The following ZNF469 variants were observed in gnomAD, a reference collection of about 807,000 sequenced individuals.
ZNF469 encodes the protein zinc finger protein 469.
In ZNF469, 1 loss-of-function variant was observed where a neutral mutation model predicts 1.0. The observed-to-expected ratio is 1.00, with a 90% confidence interval of 0.35 to 4.73. The LOEUF is 4.73. Among genes scored for constraint, ZNF469 ranks in the 30% most tolerant of loss-of-function variants. The probability of loss-of-function intolerance (pLI) is 0.16; values close to 1 mark genes in which losing one functional copy is unlikely to be tolerated. For synonymous variants in ZNF469, 2,703 were observed against 2,363.4 expected (o/e 1.14, Z -4.17); for missense variants, 6,100 against 5,356.3 (o/e 1.14, Z -4.33).
the ZNF469 span, among the ~76,000 whole-genome samples, chr16:88,347,406 C>T: frequency 6.6e-6 from 1 of 152,132 alleles, no homozygotes; most frequent in East Asian, 1.9e-4. Context: ...TTCCACTGAG[C>T]CGCGGGCACA....
chr16:88,260,449 C>G, the ZNF469 span, among the ~76,000 whole-genome samples: 8 of 152,228 alleles, frequency 5.3e-5, no homozygotes, highest in Non-Finnish European at 1.2e-4. This position sits in a 1 kb window ranked among gnomAD's most constrained non-coding sequence, Gnocchi z 4.1. Context: ...CTAAGCCTCG[C>G]TCTGGGGACT....
At chr16:88,279,926 G>A in the ZNF469 span, among the ~76,000 whole-genome samples, 2 of 150,604 alleles carry the variant, frequency 1.3e-5, no homozygotes, top group Non-Finnish European at 1.5e-5. Context: ...TCAGTACCGT[G>A]TAGATATCAG....
the ZNF469 span, among the ~76,000 whole-genome samples, chr16:88,351,823 T>C: frequency 1.3e-5 from 2 of 152,154 alleles, no homozygotes; most frequent in African/African-American, 4.8e-5. Flanking sequence ...TCCCCACCCT[T>C]GCTTGTCTCC....
chr16:88,341,768 T>G, the ZNF469 span, among the ~76,000 whole-genome samples: 26,458 of 151,844 alleles, frequency 0.17, 2,738 homozygotes, highest in Non-Finnish European at 0.24. Context: ...AGGAAGGGTG[T>G]GCAGGGGAGG....
the ZNF469 span, among the ~76,000 whole-genome samples, chr16:88,103,904 G>A: frequency 6.2e-5 from 9 of 145,680 alleles, no homozygotes; most frequent in East Asian, 2.2e-4. Context: ...ATAATCCTCC[G>A]TGGCACGAGG....
At chr16:88,334,182 G>A in the ZNF469 span, among the ~76,000 whole-genome samples, 1 of 152,242 alleles carries the variant, frequency 6.6e-6, no homozygotes, top group South Asian at 2.1e-4. Context: ...TGTTACAAAT[G>A]TCACTCCCTT....
At chr16:88,208,322 G>A in the ZNF469 span, among the ~76,000 whole-genome samples, 18 of 151,062 alleles carry the variant, frequency 1.2e-4, no homozygotes, top group East Asian at 1.6e-3. Context: ...GTCACGTGCC[G>A]CAATCTGGAA....
At chr16:88,385,058 C>T (rs1261978047) in intron 1 of ZNF469, among the ~76,000 whole-genome samples, 1 of 152,180 alleles carries the variant, frequency 6.6e-6, no homozygotes, top group Non-Finnish European at 1.5e-5. Context: ...CCCTGTATGC[C>T]TAATCTCTTC....
At chr16:88,398,643 T>G (rs1904766660) in intron 1 of ZNF469, among the ~76,000 whole-genome samples, 8 of 101,870 alleles carry the variant, frequency 7.9e-5, no homozygotes, top group South Asian at 2.9e-4. Context: ...GAGCCACAGA[T>G]GAAGGGGGGG....
Position 88,405,882 on chromosome 16 carries a change from A to G in ZNF469, c.-191-18925A>G, listed in dbSNP as rs527513349. Among the ~76,000 whole-genome samples, 4 of 152,360 alleles carry G rather than the reference A, an allele frequency of 2.6e-5. No homozygotes were observed. In the South Asian group the frequency reaches 8.3e-4, roughly 32 times the overall value. ...CGGAAAAGCCTCTGCAGTTAGCAAC[A>G]CAAGACGGTTCCTGCGTCCTCCCGA... is the stretch of plus-strand genomic sequence containing the variant. On this transcript the variant is annotated intron_variant, in intron 1 of 2. Coordinates refer to ENST00000565624, the MANE Select transcript of ZNF469 (RefSeq NM_001367624.2).
chr16:88,306,709 C>G, the ZNF469 span, among the ~76,000 whole-genome samples: 2 of 152,192 alleles, frequency 1.3e-5, no homozygotes, highest in Admixed American at 1.3e-4. Context: ...AGGACCCTGA[C>G]CAGCACCAGG....
chr16:88,432,157 G>A lies in ZNF469; in HGVS notation c.4687G>A (p.Glu1563Lys), dbSNP rs1220691242. The A allele has an allele frequency of 6.5e-7, 1 of 1,550,340 alleles. No homozygotes were observed. The highest frequency in any genetic ancestry group is 1.2e-5 in the South Asian group (1 of 84,062). Residue 1563 changes from glutamate to lysine, a missense_variant, in exon 3 of 3, where the codon GAG becomes AAG. By Grantham distance (56) the Glu-to-Lys change is moderately conservative. Coordinates refer to ENST00000565624, the MANE Select transcript of ZNF469 (RefSeq NM_001367624.2). ...LMSHLSEDEL[E>K]IQKLVTELES... is the part of the protein sequence containing the mutation. ...GAGTCACCTGTCCGAGGATGAACTG[G>A]AGATCCAGAAATTGGTCACCGAATT... is the stretch of plus-strand genomic sequence containing the variant.
rs1285494720 is a variant in ZNF469, at chr16:88,398,767, C to G, written c.-192+15513C>G. ...GGGACACATGGGCCAGCAGGATGGA[C>G]TTGGACTTGGCTCCTTTGCAGCAGC... is the stretch of plus-strand genomic sequence containing the variant. On this transcript the variant is annotated intron_variant, in intron 1 of 2. Transcript: ENST00000565624. 4.6e-5 allele frequency among the ~76,000 whole-genome samples: 7 copies of G among 152,200 alleles called. No individual in the cohort carries two copies. In the East Asian group the frequency reaches 1.4e-3, roughly 29 times the overall value.
chr16:88,379,769 A>G (rs574949519), upstream of ZNF469, among the ~76,000 whole-genome samples: 7 of 152,212 alleles, frequency 4.6e-5, no homozygotes, highest in East Asian at 1.4e-3. Flanking sequence ...GGACAAGGCA[A>G]GGGGTGGACG....
At chr16:88,199,404 A>G in the ZNF469 span, among the ~76,000 whole-genome samples, 1 of 152,184 alleles carries the variant, frequency 6.6e-6, no homozygotes, top group African/African-American at 2.4e-5. Flanking sequence ...TCACTGCAGA[A>G]TCCGCCGGCC....
chr16:88,271,524 T>G, the ZNF469 span, among the ~76,000 whole-genome samples: 1 of 139,652 alleles, frequency 7.2e-6, no homozygotes, highest in Non-Finnish European at 1.6e-5. Flanking sequence ...GTGTGGCACG[T>G]GGAAAGGAAG....
At chr16:88,227,576 C>G in the ZNF469 span, among the ~76,000 whole-genome samples, 2 of 149,154 alleles carry the variant, frequency 1.3e-5, no homozygotes, top group Non-Finnish European at 3.0e-5. Context: ...CCGGCCTGGC[C>G]CCCCCCTTCT....
At chr16:88,200,063 G>A in the ZNF469 span, among the ~76,000 whole-genome samples, 15 of 152,310 alleles carry the variant, frequency 9.8e-5, no homozygotes, top group South Asian at 2.1e-4. Context: ...TCAAACAGGC[G>A]AGGGCTGGGG....
the ZNF469 span, among the ~76,000 whole-genome samples, chr16:88,135,049 T>C: frequency 2.6e-5 from 4 of 152,216 alleles, no homozygotes; most frequent in African/African-American, 9.6e-5. Flanking sequence ...TGTGCCTGCC[T>C]CACCGATGAA....
Sources: allele counts gnomAD v4.1 joint callset (sites outside exome capture counted in the v4.1 genomes callset), GRCh38; gene constraint gnomAD v4.1.1; non-coding constraint Gnocchi (gnomAD v3.1); transcripts MANE v1.5; gene names NCBI Gene and HGNC (gene_info 2026-07-23, HGNC 2026-07-21).